Variants in LDB2 observed in about 807,000 individuals in gnomAD.
The protein encoded by LDB2 is LIM domain binding 2.
LDB2 carries 12 observed loss-of-function variants against 44.3 expected under a neutral mutation model. The observed-to-expected ratio is 0.27, with a 90% CI of 0.17 to 0.44. The LOEUF is 0.44. Among genes scored for constraint, LDB2 ranks in the 20% least tolerant of loss-of-function variants. The pLI, the probability that LDB2 is intolerant of heterozygous loss-of-function variation, is 1.00. For missense variants in LDB2, 344 were observed against 473.5 expected (o/e 0.73, Z 2.54); for synonymous variants, 164 against 174.8 (o/e 0.94, Z 0.49).
chr4:16,840,729 C>T (rs1440504775), intron 1 of LDB2, among the ~76,000 whole-genome samples: 3 of 152,202 alleles, frequency 2.0e-5, no homozygotes, highest in African/African-American at 7.2e-5. Context: ...CTCACAAAGA[C>T]TGTCAAATGT....
intron 5 of LDB2, among the ~76,000 whole-genome samples, chr4:16,529,849 T>A (rs1729530673): frequency 6.6e-6 from 1 of 152,246 alleles, no homozygotes; most frequent in South Asian, 2.1e-4. Flanking sequence ...GTGTAAAGTT[T>A]CATGGTTGAC....
chr4:16,793,607 G>A (rs778207209), intron 1 of LDB2, among the ~76,000 whole-genome samples: 1 of 152,086 alleles, frequency 6.6e-6, no homozygotes, highest in Non-Finnish European at 1.5e-5. Flanking sequence ...TTTTGTTCAG[G>A]AATAAAATCA....
intron 2 of LDB2, among the ~76,000 whole-genome samples, chr4:16,648,801 C>A (rs1737481923): frequency 6.6e-6 from 1 of 151,856 alleles, no homozygotes; most frequent in Non-Finnish European, 1.5e-5. Context: ...TTTTTTGAAC[C>A]CAGCCATGGC....
At chr4:16,837,689 C>A (rs1029252166) in intron 1 of LDB2, among the ~76,000 whole-genome samples, 5 of 152,194 alleles carry the variant, frequency 3.3e-5, no homozygotes, top group Non-Finnish European at 5.9e-5. Flanking sequence ...ATCACCCAGC[C>A]CACGTTGCCA....
At chr4:16,514,661 T>TTTCTCTGG (rs1351545374) in intron 5 of LDB2, among the ~76,000 whole-genome samples, 2 of 152,284 alleles carry the variant, frequency 1.3e-5, no homozygotes, top group Admixed American at 6.5e-5. Context: ...TGGAAGACAA[T>TTTCTCTGG]AAGATTAAAG....
Position 16,645,914 on chromosome 4 carries a change from G to C in LDB2, c.236-50039C>G, listed in dbSNP as rs1413362621. 2.0e-5 allele frequency among the ~76,000 whole-genome samples: 3 copies of C among 152,302 alleles called. No individual in the cohort carries two copies. The East Asian group carries it at 5.8e-4, about 29-fold the overall frequency. On this transcript the variant is annotated intron_variant, in intron 2 of 7. Coordinates refer to ENST00000304523, the MANE Select transcript of LDB2 (RefSeq NM_001290.5). ...AGCAGAATGTAAGTAATTAGTCTGA[G>C]AGCCATTCCGGGTGGCTGGCAGACA...
At chr4:16,618,652 G>A (rs1217806715) in intron 2 of LDB2, among the ~76,000 whole-genome samples, 2 of 152,166 alleles carry the variant, frequency 1.3e-5, no homozygotes, top group African/African-American at 4.8e-5. Flanking sequence ...GGACAGTGCG[G>A]CCGATTCAGG....
chr4:16,679,274 TAAC>T (rs1310814526), intron 2 of LDB2, among the ~76,000 whole-genome samples: 1 of 151,092 alleles, frequency 6.6e-6, no homozygotes, highest in Non-Finnish European at 1.5e-5. Context: ...AGAAAGGGAA[TAAC>T]AAAAAGTGAG....
At chr4:16,635,149 G>T (rs1017296379) in intron 2 of LDB2, among the ~76,000 whole-genome samples, 1 of 152,022 alleles carries the variant, frequency 6.6e-6, no homozygotes, top group Non-Finnish European at 1.5e-5. Flanking sequence ...CAGGGGGTGG[G>T]GAGCAAGGGG....
chr4:16,779,550 A>C (rs1217291942), intron 1 of LDB2, among the ~76,000 whole-genome samples: 2 of 152,166 alleles, frequency 1.3e-5, no homozygotes, highest in African/African-American at 2.4e-5. Context: ...AGGAGTGGGA[A>C]GACACGAGGT....
chr4:16,592,241 C>T (rs776303286), intron 3 of LDB2, among the ~76,000 whole-genome samples: 3 of 151,974 alleles, frequency 2.0e-5, no homozygotes, highest in Admixed American at 6.6e-5. Flanking sequence ...CTAATTGTAA[C>T]GCAATATTGA....
chr4:16,824,820 C>A (rs1366253868), intron 1 of LDB2, among the ~76,000 whole-genome samples: 1 of 152,218 alleles, frequency 6.6e-6, no homozygotes, highest in Non-Finnish European at 1.5e-5. Flanking sequence ...TATTGAGTGC[C>A]AGCCATGTCC....
At chr4:16,826,598 G>C (rs1378908235) in intron 1 of LDB2, 2 of 152,120 alleles carry the variant, frequency 1.3e-5, no homozygotes, top group African/African-American at 4.8e-5. Context: ...GGTGAGCCAG[G>C]CTCCTCCCGC....
At chr4:16,809,343 T>TA (rs111726170) in intron 1 of LDB2, among the ~76,000 whole-genome samples, 4,347 of 152,188 alleles carry the variant, frequency 0.029, 206 homozygotes, top group African/African-American at 0.099. Context: ...GCTCATATGG[T>TA]AAAAAAATGT....
chr4:16,709,877 T>C (rs923648486), intron 2 of LDB2, among the ~76,000 whole-genome samples: 1 of 152,120 alleles, frequency 6.6e-6, no homozygotes, highest in Non-Finnish European at 1.5e-5. Context: ...TTCACCAGGT[T>C]CTCTACCTGG....
chr4:16,584,724 C>T lies in LDB2; in HGVS notation c.615+1198G>A, dbSNP rs569484295. Reference sequence around the variant, plus strand: ...TCCCTTTTACAGGTCTGACCTCAGTCTTCATGGGCCACAGGATGTGGGGTA... The same window carrying T: ...TCCCTTTTACAGGTCTGACCTCAGTTTTCATGGGCCACAGGATGTGGGGTA... On this transcript the variant is annotated intron_variant, in intron 5 of 7. Transcript: ENST00000304523. Among the ~76,000 whole-genome samples the T allele has an allele frequency of 2.0e-5, 3 of 152,326 alleles. No individual in the cohort carries two copies. In the South Asian group the frequency reaches 6.2e-4, roughly 32 times the overall value.
At chr4:16,564,805 T>C (rs1005610102) in intron 5 of LDB2, among the ~76,000 whole-genome samples, 5 of 152,168 alleles carry the variant, frequency 3.3e-5, no homozygotes, top group East Asian at 1.9e-4. Flanking sequence ...TAAGTTCTCA[T>C]AGGAGAATTC....
chr4:16,732,018 T>C (rs1482050885), intron 2 of LDB2, among the ~76,000 whole-genome samples: 1 of 152,208 alleles, frequency 6.6e-6, no homozygotes, highest in East Asian at 1.9e-4. Flanking sequence ...CCTTGAAAAG[T>C]AGATCCTTTC....
chr4:16,886,497 T>A (rs1248429165), intron 1 of LDB2, among the ~76,000 whole-genome samples: 1 of 152,176 alleles, frequency 6.6e-6, no homozygotes, highest in Non-Finnish European at 1.5e-5. Flanking sequence ...TATACTAACA[T>A]GTTCACAGCA....
Sources: gnomAD v4.1 joint callset for allele counts (sites outside exome capture counted in the v4.1 genomes callset) on GRCh38, gnomAD v4.1.1 for gene constraint, MANE v1.5 for transcripts, NCBI Gene and HGNC (gene_info 2026-07-23, HGNC 2026-07-21) for gene names.